The following HIVEP1 variants were observed in gnomAD, a reference collection of about 807,000 sequenced individuals.
HIVEP1 encodes HIVEP zinc finger 1, also known as zinc finger protein 40.
HIVEP1 carries 36 observed loss-of-function variants against 180.0 expected under a neutral mutation model. The ratio of observed to expected loss-of-function variants is 0.20; its 90% CI spans 0.15 to 0.26. HIVEP1 has a LOEUF of 0.26. Among genes scored for constraint, HIVEP1 ranks in the 10% least tolerant of loss-of-function variants. The pLI is 1.00. For missense variants in HIVEP1, 3,143 were observed against 3,268.7 expected (o/e 0.96, Z 0.94); for synonymous variants, 1,239 against 1,239.0 (o/e 1.00, Z 0.00).
intron 2 of HIVEP1, among the ~76,000 whole-genome samples, chr6:12,056,536 T>A (rs1770885814): frequency 6.6e-6 from 1 of 152,218 alleles, no homozygotes; most frequent in Admixed American, 6.5e-5. Flanking sequence ...CTTATTCTTA[T>A]CGATTCAGTT....
At chr6:12,207,569 G>A in the HIVEP1 span, among the ~76,000 whole-genome samples, 5 of 152,000 alleles carry the variant, frequency 3.3e-5, no homozygotes, top group East Asian at 5.8e-4. Flanking sequence ...AGAAGCCAGC[G>A]GGGCCACCAG....
intron 2 of HIVEP1, among the ~76,000 whole-genome samples, chr6:12,050,403 G>A (rs1354148024): frequency 1.3e-5 from 2 of 152,112 alleles, no homozygotes; most frequent in African/African-American, 2.4e-5. Context: ...GGCTAACACG[G>A]TGAAACCCTG....
At chr6:12,024,145 A>G (rs1305409871) in intron 2 of HIVEP1, among the ~76,000 whole-genome samples, 1 of 152,216 alleles carries the variant, frequency 6.6e-6, no homozygotes, top group African/African-American at 2.4e-5. Context: ...TTATAACCAA[A>G]GAGAGACCTT....
At position 12,124,263 on chromosome 6, in the gene HIVEP1, G is replaced by T. The variant is rs1170569675; in HGVS notation, c.4468G>T (p.Asp1490Tyr). Residue 1490 changes from aspartate to tyrosine, a missense_variant, in exon 4 of 9, where the codon GAT (aspartate) becomes TAT (tyrosine). Asp to Tyr is a radical substitution (Grantham distance 160). Coordinates refer to ENST00000379388, the MANE Select transcript of HIVEP1 (RefSeq NM_002114.4). ...NTLHSQTQVK[D>Y]LQAETSNSSS... The stretch of plus-strand genomic sequence containing the variant: ...TTTGCACTCTCAGACTCAGGTTAAG[G>T]ATCTGCAGGCAGAAACATCAAACTC... 1.2e-6 allele frequency: 2 copies of T among 1,614,088 alleles called. No homozygotes were observed. The highest frequency in any genetic ancestry group is 4.5e-5 in the East Asian group (2 of 44,892).
intron 2 of HIVEP1, among the ~76,000 whole-genome samples, chr6:12,047,732 G>A (rs146668137): frequency 1.3e-3 from 199 of 152,270 alleles, no homozygotes; most frequent in African/African-American, 4.6e-3. Context: ...TCACCCTTAC[G>A]TTTCTTAGGC....
At position 12,161,835 on chromosome 6, in the gene HIVEP1, C is replaced by A; in HGVS notation, c.6884C>A (p.Ser2295Tyr). 6.2e-7 allele frequency: 1 copy of A among 1,614,080 alleles called. No homozygotes were observed. The highest frequency in any genetic ancestry group is 8.5e-7 in the Non-Finnish European group (1 of 1,179,970). The change falls in exon 8 of 9, where the codon TCC becomes TAC. Residue 2295 changes from serine (S) to tyrosine (Y), a missense_variant. Around this residue, in one of 12 missense-constraint regions of HIVEP1, gnomAD observed 595 missense variants for 602.2 expected, o/e 0.99. Coordinates refer to ENST00000379388, the MANE Select transcript of HIVEP1 (RefSeq NM_002114.4). ...GACACAATTCCGTCTGTAGACACTT[C>A]CAGGTCCCCGTGTCATCAGATGTCT... ...ENDTIPSVDT[S>Y]RSPCHQMSVD...
chr6:12,093,866 A>G (rs1361646056), intron 3 of HIVEP1, among the ~76,000 whole-genome samples: 2 of 151,966 alleles, frequency 1.3e-5, no homozygotes, highest in African/African-American at 4.8e-5. Context: ...TGCCTTCAGG[A>G]ATGTTTTCAC....
At chr6:12,050,358 G>A (rs1172057464) in intron 2 of HIVEP1, among the ~76,000 whole-genome samples, 1 of 152,144 alleles carries the variant, frequency 6.6e-6, no homozygotes, top group Non-Finnish European at 1.5e-5. Flanking sequence ...GGCCAAGACG[G>A]GCGGATCATG....
chr6:12,113,194 A>G (rs1481425372), intron 3 of HIVEP1, among the ~76,000 whole-genome samples: 3 of 150,696 alleles, frequency 2.0e-5, no homozygotes, highest in African/African-American at 7.3e-5. Context: ...GTAAACAGGC[A>G]AACAGGGCAT....
chr6:12,151,338 A>G (rs1759689735), intron 7 of HIVEP1, among the ~76,000 whole-genome samples: 1 of 152,210 alleles, frequency 6.6e-6, no homozygotes, highest in South Asian at 2.1e-4. Context: ...TTTGCTAAGC[A>G]AATATAGATT....
chr6:12,023,014 A>G (rs58503060), intron 2 of HIVEP1, among the ~76,000 whole-genome samples: 10,548 of 152,200 alleles, frequency 0.069, 446 homozygotes, highest in Middle Eastern at 0.21. Flanking sequence ...CAAGAAACAG[A>G]TTCTGAGGGC....
chr6:12,168,210 A>AT (rs70981669), downstream of HIVEP1, among the ~76,000 whole-genome samples: 1 of 97,456 alleles, frequency 1.0e-5, no homozygotes, highest in Admixed American at 1.2e-4. Flanking sequence ...ATACATATAT[A>AT]CATATATACA....
the HIVEP1 span, among the ~76,000 whole-genome samples, chr6:12,171,551 CGGGTTCCTCACCTGATAGCTAA>C: frequency 1.9e-3 from 294 of 152,252 alleles, no homozygotes; most frequent in African/African-American, 6.8e-3. Flanking sequence ...GATAATCTGG[CGGGTTCCTCACCTGATAGCTAA>C]GGACACACCT....
intron 2 of HIVEP1, among the ~76,000 whole-genome samples, chr6:12,016,937 A>T (rs146993007): frequency 6.6e-6 from 1 of 152,208 alleles, no homozygotes; most frequent in Non-Finnish European, 1.5e-5. Context: ...CAGGGAGGGC[A>T]CCCTGTTCTA....
At chr6:12,049,032 T>C (rs1019723573) in intron 2 of HIVEP1, among the ~76,000 whole-genome samples, 1 of 152,120 alleles carries the variant, frequency 6.6e-6, no homozygotes, top group Non-Finnish European at 1.5e-5. Flanking sequence ...AACTCTGGCT[T>C]ACCCAAAGGA....
chr6:12,018,044 G>A (rs1347492821), intron 2 of HIVEP1, among the ~76,000 whole-genome samples: 1 of 152,258 alleles, frequency 6.6e-6, no homozygotes, highest in Non-Finnish European at 1.5e-5. Context: ...ATGGCGGGCT[G>A]CAGGTCCTGA....
At chr6:12,118,358 T>C (rs1252079857) in intron 3 of HIVEP1, among the ~76,000 whole-genome samples, 1 of 152,210 alleles carries the variant, frequency 6.6e-6, no homozygotes, top group African/African-American at 2.4e-5. Context: ...TTGAAAATAG[T>C]GGAGAATTAA....
intron 3 of HIVEP1, among the ~76,000 whole-genome samples, chr6:12,108,672 G>T (rs918585783): frequency 6.6e-6 from 1 of 152,222 alleles, no homozygotes; most frequent in Non-Finnish European, 1.5e-5. Flanking sequence ...AGGGCCGGCC[G>T]GCTGCTCCGA....
Position 12,015,534 on chromosome 6 carries a change from T to G in HIVEP1, c.-95T>G. On this transcript the variant is annotated 5_prime_UTR_variant, in exon 2 of 9. Transcript: ENST00000379388. The stretch of plus-strand genomic sequence containing the variant: ...GTTTTTTTCTTTTTCAGCACATGGA[T>G]TAATTGATGTATGTTGAGTTTATGG... The G allele has an allele frequency of 1.0e-6, 1 of 957,346 alleles. No individual in the cohort carries two copies. Among genetic ancestry groups the G allele is most frequent in the Admixed American group, 2.1e-5 (1 of 47,014 alleles). The allele number at this position is 957,346 out of a possible 1,614,324, so 59.3% of individuals were successfully genotyped here.
Sources: gnomAD v4.1 joint callset for allele counts (sites outside exome capture counted in the v4.1 genomes callset) on GRCh38, gnomAD v4.1.1 for gene constraint, gnomAD v4.1.1 regional missense constraint, MANE v1.5 for transcripts, NCBI Gene and HGNC (gene_info 2026-07-23, HGNC 2026-07-21) for gene names.